The following CFAP61 variants were observed in gnomAD, a reference collection of about 807,000 sequenced individuals.
CFAP61 encodes the protein cilia and flagella associated protein 61, also known as cilia- and flagella-associated protein 61.
In CFAP61, 107 loss-of-function variants were observed where a neutral mutation model predicts 135.6. The observed-to-expected ratio is 0.79, with a 90% confidence interval of 0.67 to 0.93. CFAP61 has a LOEUF of 0.93. Among genes scored for constraint, CFAP61 ranks in the 40% least tolerant of loss-of-function variants. The pLI is 0.00. For synonymous variants in CFAP61, 575 were observed against 578.5 expected (o/e 0.99, Z 0.09); for missense variants, 1,507 against 1,556.2 (o/e 0.97, Z 0.53).
chr20:20,191,513 A>T, intron 15 of CFAP61, 94 bp downstream of exon 15: 1 of 794,882 alleles, frequency 1.3e-6, no homozygotes, highest in Admixed American at 2.1e-5. Context: ...ACTTTTACTT[A>T]TTTAATGTGA....
At chr20:20,178,887 T>C (rs900403269) in intron 13 of CFAP61, among the ~76,000 whole-genome samples, 4 of 152,184 alleles carry the variant, frequency 2.6e-5, no homozygotes, top group Non-Finnish European at 4.4e-5. Flanking sequence ...TCTTTATTTA[T>C]TTTTGATTTA....
At chr20:20,342,136 T>C (rs1370108516) in intron 26 of CFAP61, among the ~76,000 whole-genome samples, 2 of 152,222 alleles carry the variant, frequency 1.3e-5, no homozygotes, top group Non-Finnish European at 2.9e-5. Flanking sequence ...GGGGCAAATT[T>C]CTTTTTCCTT....
At chr20:20,221,954 A>G (rs888027006) in intron 17 of CFAP61, 2 of 152,214 alleles carry the variant, frequency 1.3e-5, no homozygotes, top group African/African-American at 4.8e-5. Context: ...TATAATGCAC[A>G]TGACTCTCTT....
intron 6 of CFAP61, among the ~76,000 whole-genome samples, chr20:20,076,759 T>C (rs560595399): frequency 6.6e-6 from 1 of 152,344 alleles, no homozygotes; most frequent in South Asian, 2.1e-4. Context: ...ACCAGGCATG[T>C]AGCAGTGGTA....
chr20:20,080,970 C>T (rs1255935460), intron 6 of CFAP61, among the ~76,000 whole-genome samples: 1 of 151,902 alleles, frequency 6.6e-6, no homozygotes, highest in African/African-American at 2.4e-5. Flanking sequence ...CCATTGTACT[C>T]CAGCCTGGCG....
chr20:20,311,928 G>A (rs2056854717), intron 25 of CFAP61, among the ~76,000 whole-genome samples: 1 of 152,120 alleles, frequency 6.6e-6, no homozygotes, highest in Non-Finnish European at 1.5e-5. Context: ...TACACAAAAG[G>A]GACTCATCTC....
intron 17 of CFAP61, among the ~76,000 whole-genome samples, chr20:20,210,950 C>CCCTA (rs2047590247): frequency 6.6e-6 from 1 of 152,058 alleles, no homozygotes; most frequent in Admixed American, 6.6e-5. Flanking sequence ...ACAGTGAGAC[C>CCCTA]CCTACCTCTA....
At chr20:20,357,952 T>A (rs2059308140) in intron 26 of CFAP61, among the ~76,000 whole-genome samples, 1 of 89,214 alleles carries the variant, frequency 1.1e-5, no homozygotes, top group Non-Finnish European at 2.1e-5. Context: ...GTGGTCACAC[T>A]GAGGGGAGGT....
At chr20:20,075,159 A>G (rs2045962854) in intron 4 of CFAP61, 30 bp from the exon 5 acceptor site, 1 of 1,608,196 alleles carries the variant, frequency 6.2e-7, no homozygotes, top group East Asian at 2.2e-5. Context: ...TTTGTTAGTA[A>G]CACTGCCCCA....
chr20:20,196,146 G>A (rs1370298107), intron 15 of CFAP61, among the ~76,000 whole-genome samples: 2 of 152,238 alleles, frequency 1.3e-5, no homozygotes, highest in Non-Finnish European at 2.9e-5. Context: ...CAGGTGAATA[G>A]TAATGCATCA....
At chr20:20,235,651 C>T (rs550929500) in intron 18 of CFAP61, among the ~76,000 whole-genome samples, 4 of 152,088 alleles carry the variant, frequency 2.6e-5, no homozygotes, top group African/African-American at 7.2e-5. Flanking sequence ...TTCCTCCCTG[C>T]GGAGGGAGGA....
In CFAP61 at chr20:20,142,693, G is replaced by C. The variant is rs574759403; in HGVS notation, c.860-164G>C. On this transcript the variant is annotated intron_variant, in intron 8 of 26. Transcript: ENST00000245957. The stretch of plus-strand genomic sequence containing the variant: ...CCTCCTCAGTGTCAAAATTCGGGGG[G>C]GCTGCGGAGACCTGCTCTTCCCACC... 8.5e-5 allele frequency among the ~76,000 whole-genome samples: 13 copies of C among 152,220 alleles called. No homozygotes were observed. The East Asian group carries it at 1.5e-3, about 18-fold the overall frequency.
chr20:20,136,019 A>T (rs1204490539), intron 8 of CFAP61, among the ~76,000 whole-genome samples: 1 of 152,186 alleles, frequency 6.6e-6, no homozygotes, highest in African/African-American at 2.4e-5. Context: ...TTCTAGGGTA[A>T]GAGTTTTTCT....
chr20:20,328,919 C>G (rs1298196190), intron 25 of CFAP61, among the ~76,000 whole-genome samples: 7 of 152,124 alleles, frequency 4.6e-5, no homozygotes, highest in South Asian at 2.1e-4. Context: ...GGGCACCAGC[C>G]CAAATCCGGT....
In CFAP61 at chr20:20,290,392, G is replaced by A; in HGVS notation, c.3216+1G>A. The A allele has an allele frequency of 6.4e-7, 1 of 1,573,444 alleles. No individual in the cohort carries two copies. Among genetic ancestry groups the A allele is most frequent in the Non-Finnish European group, 8.7e-7 (1 of 1,143,388 alleles). Reference sequence around the variant, plus strand: ...GGTACAAATGGCACAGCCTAATTATGTAAGTATTATTTCTGAATTTCATTT... The same window carrying A: ...GGTACAAATGGCACAGCCTAATTATATAAGTATTATTTCTGAATTTCATTT... On this transcript the variant is annotated splice_donor_variant, in intron 24 of 26. Transcript: ENST00000245957. LOFTEE classifies it high-confidence loss of function.
chr20:20,138,213 T>C (rs945113022), intron 8 of CFAP61, among the ~76,000 whole-genome samples: 22 of 152,288 alleles, frequency 1.4e-4, no homozygotes, highest in African/African-American at 4.8e-4. Flanking sequence ...TGAGATGCGG[T>C]GCCTGGGATT....
chr20:20,059,485 G>A (rs1253023028), intron 2 of CFAP61, among the ~76,000 whole-genome samples: 1 of 150,922 alleles, frequency 6.6e-6, no homozygotes, highest in Non-Finnish European at 1.5e-5. Flanking sequence ...AGGAGTGGTG[G>A]CACACACATG....
intron 17 of CFAP61, among the ~76,000 whole-genome samples, chr20:20,207,379 AG>A (rs1483904971): frequency 6.6e-6 from 1 of 152,178 alleles, no homozygotes; most frequent in Non-Finnish European, 1.5e-5. Flanking sequence ...ACAACCCAGT[AG>A]GGGGAAAAAA....
Position 20,196,682 on chromosome 20 carries a change from G to C in CFAP61, c.1703G>C (p.Arg568Pro), listed in dbSNP as rs375519040. ...CACTTTGCCCTCAACCCCATTTTCC[G>C]GCACTACACCAAGTTCTTTCTGAAG... is the stretch of plus-strand genomic sequence containing the variant. ...MHHFALNPIF[R>P]HYTKFFLKEI... is the part of the protein sequence containing the mutation. The change falls in exon 16 of 27, where the codon CGG becomes CCG. Residue 568 changes from arginine to proline, a missense_variant. By Grantham distance (103) the Arg-to-Pro change is moderately radical. Coordinates refer to ENST00000245957, the MANE Select transcript of CFAP61 (RefSeq NM_015585.4). 4.9e-5 allele frequency: 79 copies of C among 1,613,898 alleles called. No individual in the cohort carries two copies. In the South Asian group the frequency reaches 8.7e-4, roughly 18 times the overall value.
Sources: allele counts gnomAD v4.1 joint callset (sites outside exome capture counted in the v4.1 genomes callset), GRCh38; gene constraint gnomAD v4.1.1; transcripts MANE v1.5; gene names NCBI Gene and HGNC (gene_info 2026-07-23, HGNC 2026-07-21).